Variants in MYT1L observed in about 807,000 individuals in gnomAD.
The protein encoded by MYT1L is myelin transcription factor 1-like protein.
A neutral mutation model predicts 126.7 loss-of-function variants in MYT1L; 12 were observed. The observed-to-expected ratio is 0.09, with a 90% CI of 0.06 to 0.15. The LOEUF (loss-of-function observed/expected upper bound fraction) is 0.15. Ranked by LOEUF, MYT1L falls within the 10% of genes least tolerant of loss-of-function variation. The pLI is 1.00. For missense variants in MYT1L, 979 were observed against 1,585.2 expected (o/e 0.62, Z 6.49); for synonymous variants, 541 against 604.2 (o/e 0.90, Z 1.53).
At chr2:1,971,098 T>G (rs1210820063) in intron 8 of MYT1L, among the ~76,000 whole-genome samples, 2 of 152,188 alleles carry the variant, frequency 1.3e-5, no homozygotes, top group Non-Finnish European at 2.9e-5. Flanking sequence ...GAGGATCACT[T>G]GAACCCAGGA....
At chr2:2,238,733 T>C (rs2094377681) in intron 2 of MYT1L, among the ~76,000 whole-genome samples, 1 of 152,230 alleles carries the variant, frequency 6.6e-6, no homozygotes. Flanking sequence ...TAAAAACGCT[T>C]TGTGCAATGC....
chr2:2,116,006 G>C (rs2080168819), intron 3 of MYT1L, among the ~76,000 whole-genome samples: 1 of 151,200 alleles, frequency 6.6e-6, no homozygotes, highest in Admixed American at 6.6e-5. Flanking sequence ...TGCAGTTGAG[G>C]AAGCTGAGGC....
chr2:1,823,052 C>A (rs2038781665), intron 21 of MYT1L, among the ~76,000 whole-genome samples: 1 of 152,138 alleles, frequency 6.6e-6, no homozygotes, highest in African/African-American at 2.4e-5. Context: ...CTTATTGCAC[C>A]TCGTTTTCTT....
In MYT1L at chr2:2,143,183, G is replaced by A. The variant is rs557566829; in HGVS notation, c.-304+29689C>T. ...CAGGCGCCTGTAGTCCCAGCTACTC[G>A]GGAGGCTGAGGCAGGAGAATGGCGT... On this transcript the variant is annotated intron_variant, in intron 3 of 24. Coordinates refer to ENST00000647738, the MANE Select transcript of MYT1L (RefSeq NM_001303052.2). Among the ~76,000 whole-genome samples, 995 of 151,552 alleles carry A rather than the reference G, an allele frequency of 6.6e-3. 1 individual carries two copies. The highest frequency in any genetic ancestry group is 0.011 in the Non-Finnish European group (760 of 67,866).
At chr2:2,175,572 C>T (rs1175554245) in intron 2 of MYT1L, among the ~76,000 whole-genome samples, 1 of 152,010 alleles carries the variant, frequency 6.6e-6, no homozygotes, top group African/African-American at 2.4e-5. Flanking sequence ...CTGACAAAAG[C>T]CCACCTCAGA....
chr2:1,847,930 T>C (rs1291823839), intron 19 of MYT1L, among the ~76,000 whole-genome samples: 1 of 152,126 alleles, frequency 6.6e-6, no homozygotes, highest in African/African-American at 2.4e-5. Flanking sequence ...CCCCACCTTC[T>C]CTAGGTGGTT....
intron 19 of MYT1L, among the ~76,000 whole-genome samples, chr2:1,851,209 A>G (rs1369166108): frequency 6.6e-6 from 1 of 152,192 alleles, no homozygotes; most frequent in Non-Finnish European, 1.5e-5. Context: ...TCTTAATGTT[A>G]CATTCTGCTT....
intron 3 of MYT1L, among the ~76,000 whole-genome samples, chr2:2,166,747 A>G (rs554051081): frequency 1.4e-4 from 22 of 152,346 alleles, no homozygotes; most frequent in African/African-American, 4.8e-4. Flanking sequence ...AACAAGAACA[A>G]TGAAAACATT....
At chr2:1,861,622 T>TGCCTGCAGCCTGTGTAATCCTGGATCC (rs1558189609) in intron 18 of MYT1L, among the ~76,000 whole-genome samples, 1 of 141,972 alleles carries the variant, frequency 7.0e-6, no homozygotes, top group Non-Finnish European at 1.6e-5. Flanking sequence ...ATCCTAGATC[T>TGCCTGCAGCCTGTGTAATCCTGGATCC]GCCTGCAGCC....
intron 3 of MYT1L, among the ~76,000 whole-genome samples, chr2:2,169,183 A>G (rs78058505): frequency 5.3e-4 from 80 of 152,304 alleles, no homozygotes; most frequent in African/African-American, 1.9e-3. Flanking sequence ...CTGACATCCT[A>G]TAACTTTCTA....
intron 3 of MYT1L, among the ~76,000 whole-genome samples, chr2:2,073,330 G>C (rs1574988804): frequency 1.3e-5 from 2 of 150,768 alleles, no homozygotes; most frequent in South Asian, 2.1e-4. Context: ...ACTAGAAGAA[G>C]AAGGGCCACC....
rs370742308 is a variant in MYT1L, at chr2:1,813,890, G to A, written c.3081-4723C>T. On this transcript the variant is annotated intron_variant, in intron 21 of 24. Transcript: ENST00000647738. ...GAAATACAAAAAATTAGCCGGGCGT[G>A]GTAGCGGGCGCCTGTAGTCCCAGCT... 1.3e-3 allele frequency among the ~76,000 whole-genome samples: 137 copies of A among 108,252 alleles called. 5 individuals are homozygous for A. The highest frequency in any genetic ancestry group is 2.0e-3 in the Non-Finnish European group (103 of 51,336). The allele number at this position is 108,252 out of a possible 152,430, so 71.0% of individuals were successfully genotyped here. A position where few individuals can be genotyped will look rare whatever the true frequency, so the allele number is the denominator to read the frequency against.
At chr2:2,269,582 A>G (rs558729428) in intron 2 of MYT1L, among the ~76,000 whole-genome samples, 13 of 152,230 alleles carry the variant, frequency 8.5e-5, no homozygotes, top group African/African-American at 3.1e-4. Context: ...TCTTCCCTCC[A>G]AGCTGTCATA....
At position 2,031,611 on chromosome 2, in the gene MYT1L, C is replaced by T. The variant is rs1574668457; in HGVS notation, c.-158+22367G>A. 4.2e-5 allele frequency among the ~76,000 whole-genome samples: 6 copies of T among 143,870 alleles called. No individual in the cohort carries two copies. In the East Asian group the frequency reaches 6.5e-4, roughly 16 times the overall value. The allele number at this position is 143,870 out of a possible 152,430, so 94.4% of individuals were successfully genotyped here. ...TCGCCAGTGCCTCTCATCCTGTGGC[C>T]CAGAGCAGATTCTAGAAGGAGGGCC... On this transcript the variant is annotated intron_variant, in intron 4 of 24. Transcript: ENST00000647738.
chr2:2,165,695 T>G (rs1200057281), intron 3 of MYT1L, among the ~76,000 whole-genome samples: 1 of 152,164 alleles, frequency 6.6e-6, no homozygotes, highest in East Asian at 1.9e-4. Context: ...TTTTCTCACG[T>G]TGTCATCTCA....
At chr2:2,055,727 T>C (rs1444617731) in intron 3 of MYT1L, among the ~76,000 whole-genome samples, 1 of 152,246 alleles carries the variant, frequency 6.6e-6, no homozygotes, top group Non-Finnish European at 1.5e-5. Flanking sequence ...GCCACTCTAA[T>C]ATATTGCCAG....
chr2:2,095,341 G>A (rs1193848551), intron 3 of MYT1L, among the ~76,000 whole-genome samples: 1 of 152,228 alleles, frequency 6.6e-6, no homozygotes, highest in Non-Finnish European at 1.5e-5. Context: ...TGGAGAGCCA[G>A]CAAGGGCCTG....
chr2:2,189,867 C>G (rs2092469057), intron 2 of MYT1L, among the ~76,000 whole-genome samples: 1 of 151,042 alleles, frequency 6.6e-6, no homozygotes, highest in Non-Finnish European at 1.5e-5. Flanking sequence ...CTCAGGACCG[C>G]ACGGGGAGAA....
intron 3 of MYT1L, among the ~76,000 whole-genome samples, chr2:2,133,272 T>C (rs2082621477): frequency 6.6e-6 from 1 of 152,114 alleles, no homozygotes. Flanking sequence ...CTACATACAG[T>C]TAGTGTCAAT....
Sources: allele counts gnomAD v4.1 joint callset (sites outside exome capture counted in the v4.1 genomes callset), GRCh38; gene constraint gnomAD v4.1.1; transcripts MANE v1.5; gene names NCBI Gene and HGNC (gene_info 2026-07-23, HGNC 2026-07-21).